Variants in MED10 observed in about 807,000 individuals in gnomAD.
MED10 encodes mediator of RNA polymerase II transcription subunit 10.
A neutral mutation model predicts 17.2 loss-of-function variants in MED10; 9 were observed. That is an observed-to-expected ratio of 0.52 (90% CI 0.31 to 0.91). The LOEUF (loss-of-function observed/expected upper bound fraction) is 0.91. Among genes scored for constraint, MED10 ranks in the 40% least tolerant of loss-of-function variants. MED10 has a pLI of 0.04. For missense variants in MED10, 129 were observed against 164.8 expected, an observed-to-expected ratio of 0.78 and a Z score of 1.19; for synonymous variants, 66 against 59.8, an observed-to-expected ratio of 1.10 and a Z score of -0.48.
intron 3 of MED10, among the ~76,000 whole-genome samples, chr5:6,373,640 G>C (rs1186628401): frequency 1.3e-5 from 2 of 152,190 alleles, no homozygotes; most frequent in African/African-American, 4.8e-5. Flanking sequence ...TGGATGGCCG[G>C]GAGGAGGAAG....
chr5:6,378,473 T>C lies in MED10; in HGVS notation c.11A>G (p.Lys4Arg). 1 of 1,611,972 alleles carries C rather than the reference T, an allele frequency of 6.2e-7. No individual in the cohort carries two copies. The change falls in exon 1 of 4, where the codon AAG (lysine) becomes AGG (arginine). Residue 4 changes from lysine (K) to arginine (R), a missense_variant. Transcript: ENST00000255764. MAE[K>R]FDHLEEHLEK... is the part of the protein sequence containing the mutation. ...CAGGTGCTCCTCTAGGTGGTCAAAC[T>C]TCTCCGCCATCGCCTCGGCCCGTCC...
rs1158089604 is a variant in MED10, at chr5:6,378,443, T to C, written c.41A>G (p.Lys14Arg). ...KFDHLEEHLE[K>R]FVENIRQLGI... is the part of the protein sequence containing the mutation. ...GAGCTGCCGAATGTTCTCCACGAAC[T>C]TCTCCAGGTGCTCCTCTAGGTGGTC... Residue 14 changes from lysine (K) to arginine (R), a missense_variant, in exon 1 of 4, where the codon AAG (lysine) becomes AGG (arginine). Physicochemically the swap from Lys to Arg is conservative, Grantham distance 26. Coordinates refer to ENST00000255764, the MANE Select transcript of MED10 (RefSeq NM_032286.3). 3 of 1,613,614 alleles carry C rather than the reference T, an allele frequency of 1.9e-6. No individual in the cohort carries two copies. The African/African-American group carries it at 4.0e-5, about 22-fold the overall frequency.
At chr5:6,373,199 G>T (rs567421917) in intron 3 of MED10, among the ~76,000 whole-genome samples, 1 of 152,242 alleles carries the variant, frequency 6.6e-6, no homozygotes, top group Non-Finnish European at 1.5e-5. Flanking sequence ...TGACTAGGCA[G>T]GTCTCCTTCT....
Position 6,378,534 on chromosome 5 carries a change from C to A in MED10, c.-51G>T, listed in dbSNP as rs375970028. The A allele has an allele frequency of 3.2e-6, 5 of 1,570,634 alleles. No homozygotes were observed. Among genetic ancestry groups the A allele is most frequent in the Middle Eastern group, 1.7e-4 (1 of 5,854 alleles). On this transcript the variant is annotated 5_prime_UTR_variant, in exon 1 of 4. Coordinates refer to ENST00000255764, the MANE Select transcript of MED10 (RefSeq NM_032286.3). ...CAGCCTCAACCAGCAGCGCCGCAGG[C>A]GTGGCCCTACGCTCCCGCTTCCTGC...
intron 2 of MED10, among the ~76,000 whole-genome samples, chr5:6,375,102 A>T (rs1362438730): frequency 6.6e-6 from 1 of 152,212 alleles, no homozygotes; most frequent in Non-Finnish European, 1.5e-5. Context: ...ATTTCTAAAC[A>T]GTATAAAACT....
rs781458710 is a variant in MED10, at chr5:6,378,349, G to A, written c.122+13C>T. 29 of 1,595,604 alleles carry A rather than the reference G, an allele frequency of 1.8e-5. No homozygotes were observed. Among genetic ancestry groups the A allele is most frequent in the Non-Finnish European group, 2.0e-5 (24 of 1,172,782 alleles). ...CCCTGGGGAGACCCCGGCAGCCTCG[G>A]GCCGCCACTCACAGCTTTTGGTTGA... On this transcript the variant is annotated intron_variant, in intron 1 of 3. Transcript: ENST00000255764.
chr5:6,377,271 A>T, intron 1 of MED10, 22 bp from the exon 2 acceptor site: 1 of 1,581,088 alleles, frequency 6.3e-7, no homozygotes, highest in Non-Finnish European at 8.7e-7. Context: ...GCAAACACAC[A>T]GGCATCTGGT....
At chr5:6,377,319 T>TA in intron 1 of MED10, 70 bp from the exon 2 acceptor site, 1 of 1,161,894 alleles carries the variant, frequency 8.6e-7, no homozygotes. Flanking sequence ...CCCACAGAGC[T>TA]ACCCAGCCAA....
chr5:6,377,582 C>T (rs1738022609), intron 1 of MED10, among the ~76,000 whole-genome samples: 1 of 152,228 alleles, frequency 6.6e-6, no homozygotes, highest in African/African-American at 2.4e-5. Flanking sequence ...TCAGCGAACA[C>T]ATGAGGCAGC....
intron 2 of MED10, among the ~76,000 whole-genome samples, chr5:6,376,422 C>A (rs572251068): frequency 5.7e-4 from 87 of 152,296 alleles, no homozygotes; most frequent in Non-Finnish European, 1.1e-3. Context: ...AAGTATGAGT[C>A]CGGGGGTTTC....
chr5:6,377,661 C>T (rs1738025651), intron 1 of MED10, among the ~76,000 whole-genome samples: 1 of 152,198 alleles, frequency 6.6e-6, no homozygotes, highest in Admixed American at 6.5e-5. Flanking sequence ...CTCTCTGGAG[C>T]CTTCCTACAG....
chr5:6,377,804 C>G (rs533250365), intron 1 of MED10, among the ~76,000 whole-genome samples: 51 of 152,232 alleles, frequency 3.4e-4, no homozygotes, highest in Non-Finnish European at 6.3e-4. Flanking sequence ...CAACCCAGGG[C>G]CTAGCAACAT....
At position 6,372,338 on chromosome 5, in the gene MED10, T is replaced by A. The variant is rs894222233; in HGVS notation, c.*165A>T. ...AGCTGGGGCACAGCTCCGCCTCTCCTCCAGCCCCTCGGTCCCATGAGGCCA... is the reference window on the plus strand; with the variant it reads ...AGCTGGGGCACAGCTCCGCCTCTCCACCAGCCCCTCGGTCCCATGAGGCCA... On this transcript the variant is annotated 3_prime_UTR_variant, in exon 4 of 4. Coordinates refer to ENST00000255764, the MANE Select transcript of MED10 (RefSeq NM_032286.3). 3 of 606,730 alleles carry A rather than the reference T, an allele frequency of 4.9e-6. No individual in the cohort carries two copies. Among genetic ancestry groups the A allele is most frequent in the Admixed American group, 3.1e-5 (1 of 32,730 alleles). 37.6% of individuals were successfully genotyped at this position (606,730 alleles called of 1,614,324 possible).
chr5:6,372,447 C>T lies in MED10; in HGVS notation c.*56G>A, dbSNP rs1342237250. The T allele has an allele frequency of 7.4e-6, 11 of 1,483,538 alleles. No homozygotes were observed. The East Asian group carries it at 2.5e-4, about 34-fold the overall frequency. The allele number at this position is 1,483,538 out of a possible 1,614,324, so 91.9% of individuals were successfully genotyped here. On this transcript the variant is annotated 3_prime_UTR_variant, in exon 4 of 4. Coordinates refer to ENST00000255764, the MANE Select transcript of MED10 (RefSeq NM_032286.3). The stretch of plus-strand genomic sequence containing the variant: ...AAGGTGGCGTCAGCACTCGCAGTCC[C>T]AGCCTCACGCCGCATCGCAGTCCCA...
chr5:6,376,745 G>C (rs1376017621), intron 2 of MED10: 1 of 152,680 alleles, frequency 6.5e-6, no homozygotes, highest in Admixed American at 6.5e-5. Context: ...AGACCAGCTT[G>C]CTTTTCAGGT....
chr5:6,377,094 G>T lies in MED10; in HGVS notation c.206+72C>A, dbSNP rs758385150. 1.3e-4 allele frequency: 127 copies of T among 1,000,280 alleles called. 1 individual carries two copies. The highest frequency in any genetic ancestry group is 1.6e-4 in the Non-Finnish European group (109 of 678,230). 62.0% of individuals were successfully genotyped at this position (1,000,280 alleles called of 1,614,324 possible). A position where few individuals can be genotyped will look rare whatever the true frequency, so the allele number is the denominator to read the frequency against. On this transcript the variant is annotated intron_variant, in intron 2 of 3. Coordinates refer to ENST00000255764, the MANE Select transcript of MED10 (RefSeq NM_032286.3). ...CAGCAGGCACTCGAATGCCAGTGAT[G>T]AAGAAGTCACGATACCACACCATAA...
At position 6,372,512 on chromosome 5, in the gene MED10, C is replaced by T. The variant is rs752493471; in HGVS notation, c.399G>A (p.Pro133=). 53 of 1,613,896 alleles carry T rather than the reference C, an allele frequency of 3.3e-5. No homozygotes were observed. Among genetic ancestry groups the T allele is most frequent in the South Asian group, 9.9e-5 (9 of 91,088 alleles). The stretch of plus-strand genomic sequence containing the variant: ...AGGGAGGGTGAGCTGGTTAAGAAGG[C>T]GGGTGATCCTCCCCCCGGATGCTTC... ...KYRSIRGEDH[P]PS Residue 133 remains proline, a synonymous_variant, in exon 4 of 4, where the codon CCG becomes CCA. Coordinates refer to ENST00000255764, the MANE Select transcript of MED10 (RefSeq NM_032286.3).
chr5:6,378,335 C>A (rs1560906082), intron 1 of MED10, 27 bp downstream of exon 1: 1 of 1,573,748 alleles, frequency 6.4e-7, no homozygotes, highest in Non-Finnish European at 8.6e-7. Flanking sequence ...CCTGGGGAGA[C>A]CCCGGCAGCC....
At chr5:6,374,565 C>T in intron 2 of MED10, 139 bp from the exon 3 acceptor site, 5 of 634,346 alleles carry the variant, frequency 7.9e-6, no homozygotes, top group Non-Finnish European at 1.4e-5. Flanking sequence ...GTGTAGGAAC[C>T]AGGGGAATTA....
Sources: gnomAD v4.1 joint callset for allele counts (sites outside exome capture counted in the v4.1 genomes callset) on GRCh38, gnomAD v4.1.1 for gene constraint, MANE v1.5 for transcripts, NCBI Gene and HGNC (gene_info 2026-07-23, HGNC 2026-07-21) for gene names.